Variants in ZNF676 observed in about 807,000 individuals in gnomAD.
ZNF676 encodes the protein zinc finger protein 676.
ZNF676 carries 4 observed loss-of-function variants against 6.0 expected under a neutral mutation model. The observed-to-expected ratio is 0.67, with a 90% CI of 0.33 to 1.53. The LOEUF (loss-of-function observed/expected upper bound fraction) is 1.53, where lower values mean the gene tolerates loss of function less well. Ranked by LOEUF, ZNF676 falls within the 40% of genes most tolerant of loss-of-function variation. ZNF676 has a pLI of 0.06. For synonymous variants in ZNF676, 198 were observed against 223.1 expected (o/e 0.89, Z 1.00); for missense variants, 644 against 679.7 (o/e 0.95, Z 0.58).
upstream of ZNF676, among the ~76,000 whole-genome samples, chr19:22,218,426 C>G (rs866233799): frequency 6.6e-6 from 1 of 151,920 alleles, no homozygotes; most frequent in South Asian, 2.1e-4. Flanking sequence ...CTCTGCCTCC[C>G]GGGTTCAAGC....
upstream of ZNF676, among the ~76,000 whole-genome samples, chr19:22,197,810 A>AATT (rs2023983952): frequency 6.6e-6 from 1 of 152,180 alleles, no homozygotes; most frequent in African/African-American, 2.4e-5. Flanking sequence ...TGATTTATTA[A>AATT]CATCAATTAC....
At chr19:22,249,982 G>C in the ZNF676 span, among the ~76,000 whole-genome samples, 1 of 151,258 alleles carries the variant, frequency 6.6e-6, no homozygotes, top group African/African-American at 2.4e-5. Flanking sequence ...CAGGAGTTTG[G>C]GACCAGCCTG....
intron 2 of ZNF676, among the ~76,000 whole-genome samples, chr19:22,187,625 A>G (rs2023856539): frequency 1.3e-5 from 2 of 151,950 alleles, no homozygotes; most frequent in South Asian, 4.2e-4. Flanking sequence ...ACTGCTAGCC[A>G]GTCTAAAAAG....
chr19:22,247,586 G>T, the ZNF676 span, among the ~76,000 whole-genome samples: 2 of 150,572 alleles, frequency 1.3e-5, no homozygotes, highest in African/African-American at 4.9e-5. Flanking sequence ...AATTTAGGGG[G>T]TTAGAGGCCC....
chr19:22,209,078 A>T, intron 1 of ZNF676, among the ~76,000 whole-genome samples: 1 of 152,212 alleles, frequency 6.6e-6, no homozygotes, highest in East Asian at 1.9e-4. Flanking sequence ...CAGCCTGGCC[A>T]ACATGGCAAA....
chr19:22,182,592 A>AAAAAAAAAAAAAAAAAAAAAAAAAAG (rs1568525830), intron 2 of ZNF676, among the ~76,000 whole-genome samples: 1 of 132,332 alleles, frequency 7.6e-6, no homozygotes. Flanking sequence ...TTCTAAAAAA[A>AAAAAAAAAAAAAAAAAAAAAAAAAAG]AAAAAAAAAA....
chr19:22,208,923 A>C (rs1181946030), intron 1 of ZNF676, among the ~76,000 whole-genome samples: 1 of 152,164 alleles, frequency 6.6e-6, no homozygotes, highest in African/African-American at 2.4e-5. Context: ...CCTGGGAAAG[A>C]AAGTGAGACC....
chr19:22,204,053 G>C (rs928372051), intron 1 of ZNF676: 25 of 152,120 alleles, frequency 1.6e-4, no homozygotes, highest in African/African-American at 5.3e-4. Flanking sequence ...GAATATATTA[G>C]AGCTTGCAAC....
chr19:22,216,802 A>G (rs2024196605), upstream of ZNF676, among the ~76,000 whole-genome samples: 1 of 151,414 alleles, frequency 6.6e-6, no homozygotes, highest in Non-Finnish European at 1.5e-5. Context: ...TTAGCATGGT[A>G]GCCTCACCCT....
At chr19:22,218,758 T>C (rs1023730968), upstream of ZNF676, among the ~76,000 whole-genome samples, 1 of 152,174 alleles carries the variant, frequency 6.6e-6, no homozygotes, top group African/African-American at 2.4e-5. Context: ...TTGTCAAAGA[T>C]CAGTTGACTG....
At chr19:22,193,213 A>C in intron 1 of ZNF676, 102 bp from the exon 2 acceptor site, 1 of 1,244,786 alleles carries the variant, frequency 8.0e-7, no homozygotes, top group Non-Finnish European at 1.1e-6. Flanking sequence ...ATTCTAATAC[A>C]TTTATCCCAA....
At chr19:22,201,728 A>T (rs1360177609), upstream of ZNF676, among the ~76,000 whole-genome samples, 2 of 110,742 alleles carry the variant, frequency 1.8e-5, no homozygotes, top group Non-Finnish European at 3.5e-5. Context: ...GGATTTGTAA[A>T]GGCAAAAAAA....
chr19:22,184,901 G>C (rs1185706844), intron 2 of ZNF676, among the ~76,000 whole-genome samples: 1 of 150,628 alleles, frequency 6.6e-6, no homozygotes, highest in African/African-American at 2.5e-5. Context: ...CATCTCCCTG[G>C]GACAGAGCAC....
chr19:22,179,976 T>C lies in ZNF676; in HGVS notation c.1741A>G (p.Lys581Glu), dbSNP rs1301937233. 1 of 1,613,678 alleles carries C rather than the reference T, an allele frequency of 6.2e-7. No individual in the cohort carries two copies. Among genetic ancestry groups the C allele is most frequent in the African/African-American group, 1.3e-5 (1 of 74,988 alleles). ...KSSSTVSYHK[K>E]IHTGENP Reference sequence around the variant, plus strand: ...TAGGGATTCTCTCCAGTATGAATTTTCTTATGATAACTAACAGTTGAGGAT... The same window carrying C: ...TAGGGATTCTCTCCAGTATGAATTTCCTTATGATAACTAACAGTTGAGGAT... The change falls in exon 3 of 3, where the codon AAA (lysine) becomes GAA (glutamate). Residue 581 changes from lysine to glutamate, a missense_variant. Physicochemically the swap from Lys to Glu is moderately conservative, Grantham distance 56 (BLOSUM62 1). Transcript: ENST00000397121.
chr19:22,214,352 C>T (rs2024161803), intron 1 of ZNF676, among the ~76,000 whole-genome samples: 2 of 152,122 alleles, frequency 1.3e-5, no homozygotes, highest in South Asian at 4.1e-4. Flanking sequence ...TGGCGGCTTA[C>T]ACCTGTAATC....
At chr19:22,257,304 A>G in the ZNF676 span, among the ~76,000 whole-genome samples, 1 of 152,244 alleles carries the variant, frequency 6.6e-6, no homozygotes, top group South Asian at 2.1e-4. Flanking sequence ...CCCCTACAAG[A>G]TAGATGCTGA....
intron 1 of ZNF676, among the ~76,000 whole-genome samples, chr19:22,205,291 G>A (rs1355995658): frequency 6.6e-6 from 1 of 152,020 alleles, no homozygotes; most frequent in Non-Finnish European, 1.5e-5. Context: ...CTCAACACCT[G>A]ACCAAATAAA....
At chr19:22,215,749 G>C in exon 1 of ZNF676, 3 of 1,355,210 alleles carry the variant, frequency 2.2e-6, no homozygotes, top group Non-Finnish European at 3.0e-6. Flanking sequence ...CTTTACCTCC[G>C]GCTGCAGCGA....
At chr19:22,210,408 A>C (rs928193154) in intron 1 of ZNF676, among the ~76,000 whole-genome samples, 1 of 152,186 alleles carries the variant, frequency 6.6e-6, no homozygotes, top group Non-Finnish European at 1.5e-5. Context: ...GGGGACTCCC[A>C]TAACCTTTTT....
Sources: allele counts gnomAD v4.1 joint callset (sites outside exome capture counted in the v4.1 genomes callset), GRCh38; gene constraint gnomAD v4.1.1; transcripts MANE v1.5; gene names NCBI Gene and HGNC (gene_info 2026-07-23, HGNC 2026-07-21).